EPN2: variants seen among roughly 807,000 people sequenced by gnomAD.
EPN2 encodes the protein epsin 2.
EPN2 carries 34 observed loss-of-function variants against 61.7 expected under a neutral mutation model. The ratio of observed to expected loss-of-function variants is 0.55; its 90% CI spans 0.42 to 0.73. The LOEUF (loss-of-function observed/expected upper bound fraction) is 0.73, where lower values mean the gene tolerates loss of function less well. Among genes scored for constraint, EPN2 ranks in the 30% least tolerant of loss-of-function variants. The probability of loss-of-function intolerance (pLI) is 0.00; values close to 1 mark genes in which losing one functional copy is unlikely to be tolerated. For synonymous variants in EPN2, 349 were observed against 353.6 expected, an observed-to-expected ratio of 0.99 and a Z score of 0.15; for missense variants, 714 against 839.2, an observed-to-expected ratio of 0.85 and a Z score of 1.84.
At chr17:19,244,547 T>G (rs976065847) in intron 1 of EPN2, among the ~76,000 whole-genome samples, 3 of 152,124 alleles carry the variant, frequency 2.0e-5, no homozygotes, top group Admixed American at 6.6e-5. Flanking sequence ...CCACTTGGCA[T>G]GGACCACTGG....
intron 1 of EPN2, among the ~76,000 whole-genome samples, chr17:19,237,863 G>T (rs1047676440): frequency 6.6e-6 from 1 of 151,928 alleles, no homozygotes; most frequent in African/African-American, 2.4e-5. Context: ...CTCCTACCTC[G>T]GATCCTGGAG....
chr17:19,306,500 T>A (rs1330935452), intron 4 of EPN2, among the ~76,000 whole-genome samples: 1 of 152,220 alleles, frequency 6.6e-6, no homozygotes, highest in Non-Finnish European at 1.5e-5. Context: ...ATTTCTACAT[T>A]GATGTGACGA....
At chr17:19,252,352 A>G (rs1379672318) in intron 1 of EPN2, among the ~76,000 whole-genome samples, 3 of 152,206 alleles carry the variant, frequency 2.0e-5, no homozygotes, top group African/African-American at 7.2e-5. Flanking sequence ...TCTACAGAGT[A>G]TATTAATGAT....
At chr17:19,310,778 A>G (rs1003189223) in intron 5 of EPN2, among the ~76,000 whole-genome samples, 5 of 151,804 alleles carry the variant, frequency 3.3e-5, no homozygotes, top group African/African-American at 1.2e-4. Flanking sequence ...GGGTTTCACC[A>G]TGTTGGTCGG....
chr17:19,261,621 C>T (rs1427015059), intron 1 of EPN2, among the ~76,000 whole-genome samples: 3 of 152,284 alleles, frequency 2.0e-5, no homozygotes, highest in African/African-American at 7.2e-5. Flanking sequence ...CAGAACCACA[C>T]CTTTGGCTTC....
intron 1 of EPN2, among the ~76,000 whole-genome samples, chr17:19,247,273 T>A (rs768875223): frequency 2.0e-5 from 3 of 152,158 alleles, no homozygotes; most frequent in Non-Finnish European, 4.4e-5. Flanking sequence ...GAACACGTGA[T>A]CTAGAGGCAA....
chr17:19,249,862 G>T (rs1533034), intron 1 of EPN2, among the ~76,000 whole-genome samples: 66 of 151,984 alleles, frequency 4.3e-4, no homozygotes, highest in African/African-American at 1.5e-3. Context: ...TGGAGGCTCT[G>T]GGGGGGAACC....
At chr17:19,279,300 A>T (rs2045337758) in intron 1 of EPN2, among the ~76,000 whole-genome samples, 1 of 152,032 alleles carries the variant, frequency 6.6e-6, no homozygotes, top group Non-Finnish European at 1.5e-5. Context: ...GCTCATTGGG[A>T]GCCCTGGCTG....
intron 1 of EPN2, among the ~76,000 whole-genome samples, chr17:19,253,644 C>T (rs1445304624): frequency 6.6e-6 from 1 of 152,076 alleles, no homozygotes; most frequent in East Asian, 1.9e-4. Context: ...GGTGATCCGC[C>T]TGCCTCAGCC....
At chr17:19,239,332 A>G (rs1394302024) in intron 1 of EPN2, among the ~76,000 whole-genome samples, 3 of 152,104 alleles carry the variant, frequency 2.0e-5, no homozygotes, top group Non-Finnish European at 4.4e-5. Flanking sequence ...TTGTATTTTT[A>G]GTAGAGACGG....
chr17:19,256,600 C>T (rs867814282), intron 1 of EPN2, among the ~76,000 whole-genome samples: 2 of 151,862 alleles, frequency 1.3e-5, no homozygotes, highest in African/African-American at 4.8e-5. Flanking sequence ...AGAGAAGCCT[C>T]GTAAAGGGGA....
intron 1 of EPN2, among the ~76,000 whole-genome samples, chr17:19,256,638 G>A (rs903625263): frequency 6.6e-6 from 1 of 152,018 alleles, no homozygotes; most frequent in African/African-American, 2.4e-5. Flanking sequence ...GTTTTCGGCT[G>A]GTGGCACCCC....
chr17:19,245,677 T>C (rs973532139), intron 1 of EPN2, among the ~76,000 whole-genome samples: 15 of 151,554 alleles, frequency 9.9e-5, no homozygotes, highest in Admixed American at 9.9e-4. Context: ...TTTTTTTTTT[T>C]TAAAGATGGA....
chr17:19,331,374 G>A (rs991117057), intron 9 of EPN2, among the ~76,000 whole-genome samples: 8 of 152,152 alleles, frequency 5.3e-5, no homozygotes, highest in Non-Finnish European at 7.3e-5. Flanking sequence ...GCATCCCGTC[G>A]TGGCAATCAC....
At chr17:19,317,501 G>A (rs1323946112) in intron 7 of EPN2, among the ~76,000 whole-genome samples, 1 of 152,130 alleles carries the variant, frequency 6.6e-6, no homozygotes, top group African/African-American at 2.4e-5. Flanking sequence ...CTTCTGTGAC[G>A]CACCACCCCC....
At chr17:19,333,203 T>C (rs941402240) in intron 10 of EPN2, among the ~76,000 whole-genome samples, 2 of 152,050 alleles carry the variant, frequency 1.3e-5, no homozygotes, top group African/African-American at 4.8e-5. Flanking sequence ...TTGAAGGCCC[T>C]GCAGGAGCTC....
Position 19,278,535 on chromosome 17 carries a change from G to T in EPN2, c.-293-3420G>T, listed in dbSNP as rs143418962. Among the ~76,000 whole-genome samples the T allele has an allele frequency of 1.3e-4, 20 of 152,276 alleles. 1 individual carries two copies. The highest frequency in any genetic ancestry group is 4.8e-4 in the African/African-American group (20 of 41,548). On this transcript the variant is annotated intron_variant, in intron 1 of 10. Coordinates refer to ENST00000314728, the MANE Select transcript of EPN2 (RefSeq NM_014964.5). ...GGAATAGCATGGGAAAGACTGGCCC[G>T]CATAATTCAATTACCTCTCCCGGGT...
intron 1 of EPN2, among the ~76,000 whole-genome samples, chr17:19,276,733 A>C (rs1486818061): frequency 6.7e-6 from 1 of 148,714 alleles, no homozygotes; most frequent in Non-Finnish European, 1.5e-5. Context: ...CTAGTTACTG[A>C]GGATCCTTTC....
intron 1 of EPN2, among the ~76,000 whole-genome samples, chr17:19,261,665 A>G (rs2045143176): frequency 6.6e-6 from 1 of 152,144 alleles, no homozygotes; most frequent in South Asian, 2.1e-4. Flanking sequence ...CCTTAGACAC[A>G]TTTTCGGTAT....
Sources: allele counts gnomAD v4.1 joint callset (sites outside exome capture counted in the v4.1 genomes callset), GRCh38; gene constraint gnomAD v4.1.1; transcripts MANE v1.5; gene names NCBI Gene and HGNC (gene_info 2026-07-23, HGNC 2026-07-21).